CTNNA2: variants seen among roughly 807,000 people sequenced by gnomAD.
CTNNA2 encodes catenin alpha 2.
Under a neutral mutation model 101.0 loss-of-function variants are expected in CTNNA2, and 42 were observed. The observed-to-expected ratio is 0.42, with a 90% CI of 0.32 to 0.54. The LOEUF is 0.54. Ranked by LOEUF, CTNNA2 falls within the 20% of genes least tolerant of loss-of-function variation. The probability of loss-of-function intolerance (pLI) is 0.14; values close to 1 mark genes in which losing one functional copy is unlikely to be tolerated. For missense variants in CTNNA2, 871 were observed against 1,223.1 expected, an observed-to-expected ratio of 0.71 and a Z score of 4.29; for synonymous variants, 450 against 456.4, an observed-to-expected ratio of 0.99 and a Z score of 0.18.
At chr2:79,858,252 C>T (rs1466398241) in intron 4 of CTNNA2, 73 bp downstream of exon 4, 2 of 1,237,300 alleles carry the variant, frequency 1.6e-6, no homozygotes, top group Non-Finnish European at 1.2e-6. Flanking sequence ...ACAGCTCTGG[C>T]CTCTACTCTA....
chr2:80,206,130 A>G (rs1268389797), intron 7 of CTNNA2, among the ~76,000 whole-genome samples: 3 of 152,172 alleles, frequency 2.0e-5, no homozygotes, highest in African/African-American at 7.2e-5. Flanking sequence ...ATTCTCCTTA[A>G]TCATATGGAA....
intron 4 of CTNNA2, among the ~76,000 whole-genome samples, chr2:79,439,358 A>C (rs1158410453): frequency 6.6e-6 from 1 of 152,230 alleles, no homozygotes; most frequent in African/African-American, 2.4e-5. Context: ...TGAAATGTCC[A>C]AAACAGGCAA....
chr2:80,648,210 A>G lies in CTNNA2; in HGVS notation c.*338A>G, dbSNP rs911673279. On this transcript the variant is annotated 3_prime_UTR_variant, in exon 19 of 19. Transcript: ENST00000402739. ...ACTCTACAAAAGCAAACTCTAATGC[A>G]TGCAAGAATCATTAGGTTGGCAGGT... 1 of 175,400 alleles carries G rather than the reference A, an allele frequency of 5.7e-6. No individual in the cohort carries two copies. The highest frequency in any genetic ancestry group is 1.2e-5 in the Non-Finnish European group (1 of 82,462). 10.9% of individuals were successfully genotyped at this position (175,400 alleles called of 1,614,324 possible). A position where few individuals can be genotyped will look rare whatever the true frequency, so the allele number is the denominator to read the frequency against.
rs115257509 is a variant in CTNNA2, at chr2:79,611,916, A to G, written c.-5-39636A>G. 2.5e-3 allele frequency among the ~76,000 whole-genome samples: 388 copies of G among 152,282 alleles called. 1 individual carries two copies. Among genetic ancestry groups the G allele is most frequent in the African/African-American group, 8.4e-3 (351 of 41,560 alleles). On this transcript the variant is annotated intron_variant, in intron 1 of 18. Coordinates refer to ENST00000402739, the MANE Select transcript of CTNNA2 (RefSeq NM_001282597.3). ...TCAACCACCAGTACGTTGACACAGA[A>G]GGGCTGTTTTAAATGTCACTTCTCT...
chr2:79,962,873 C>A (rs890492451), intron 7 of CTNNA2, among the ~76,000 whole-genome samples: 1 of 151,994 alleles, frequency 6.6e-6, no homozygotes, highest in Non-Finnish European at 1.5e-5. Flanking sequence ...AGATCGAGAC[C>A]ATCCTGGGTA....
chr2:80,306,837 G>T (rs2149218894), intron 7 of CTNNA2, among the ~76,000 whole-genome samples: 1 of 152,040 alleles, frequency 6.6e-6, no homozygotes, highest in Admixed American at 6.5e-5. Flanking sequence ...TTGGCAAAGT[G>T]GTGACAGAGG....
At chr2:80,558,708 A>G (rs1286722070) in intron 12 of CTNNA2, among the ~76,000 whole-genome samples, 1 of 152,082 alleles carries the variant, frequency 6.6e-6, no homozygotes, top group East Asian at 1.9e-4. Flanking sequence ...ATGAGAGTAC[A>G]TTGTAGGGTG....
At chr2:79,433,614 T>C (rs1678679381) in intron 4 of CTNNA2, among the ~76,000 whole-genome samples, 1 of 132,044 alleles carries the variant, frequency 7.6e-6, no homozygotes, top group Non-Finnish European at 1.6e-5. Context: ...GCTCACTGTA[T>C]GCCTTTGAGG....
At chr2:79,928,748 C>T (rs886603248) in intron 7 of CTNNA2, among the ~76,000 whole-genome samples, 2 of 152,086 alleles carry the variant, frequency 1.3e-5, no homozygotes, top group East Asian at 1.9e-4. Context: ...ATAGGGTCAA[C>T]GCCTCTTAGT....
In CTNNA2 at chr2:80,306,400, T is replaced by TTTTCTTTTCCTTTCTTTCTTTC. The variant is rs1491389570; in HGVS notation, c.1057-86804_1057-86803insTCCTTTCTTTCTTTCTTTCTTT. ...CTTTCTTTTCTTTTCTTTTCTTTTC[T>TTTTCTTTTCCTTTCTTTCTTTC]TTTCTTTCTTTCTTTCTTTCTTTCT... On this transcript the variant is annotated intron_variant, in intron 7 of 18. Transcript: ENST00000402739. Among the ~76,000 whole-genome samples, 10 of 109,200 alleles carry TTTTCTTTTCCTTTCTTTCTTTC rather than the reference T, an allele frequency of 9.2e-5. No homozygotes were observed. In the East Asian group the frequency reaches 1.4e-3, roughly 15 times the overall value. The allele number at this position is 109,200 out of a possible 152,430, so 71.6% of individuals were successfully genotyped here. A position where few individuals can be genotyped will look rare whatever the true frequency, so the allele number is the denominator to read the frequency against.
At chr2:80,198,143 C>T (rs935220848) in intron 7 of CTNNA2, among the ~76,000 whole-genome samples, 2 of 152,276 alleles carry the variant, frequency 1.3e-5, no homozygotes, top group East Asian at 3.9e-4. Flanking sequence ...ACAATAAACT[C>T]CAATGGAGGA....
At chr2:79,912,928 T>A (rs974453884) in intron 7 of CTNNA2, among the ~76,000 whole-genome samples, 1 of 152,224 alleles carries the variant, frequency 6.6e-6, no homozygotes, top group Non-Finnish European at 1.5e-5. Context: ...ATGGGTTTTA[T>A]TAATAAGAAT....
rs557648049 is a variant in CTNNA2 at position 79,627,520 on chromosome 2, A to G, written c.-5-24032A>G. Among the ~76,000 whole-genome samples, 3 of 152,290 alleles carry G rather than the reference A, an allele frequency of 2.0e-5. No individual in the cohort carries two copies. In the South Asian group the frequency reaches 6.2e-4, roughly 32 times the overall value. On this transcript the variant is annotated intron_variant, in intron 1 of 18. Coordinates refer to ENST00000402739, the MANE Select transcript of CTNNA2 (RefSeq NM_001282597.3). ...AGAACGCATAAAGTGCAACTTCACT[A>G]TTTCAGGCCCCATTATACCATAACT... is the stretch of plus-strand genomic sequence containing the variant.
At chr2:80,088,132 A>G (rs1699562301) in intron 7 of CTNNA2, among the ~76,000 whole-genome samples, 1 of 152,060 alleles carries the variant, frequency 6.6e-6, no homozygotes, top group Non-Finnish European at 1.5e-5. Flanking sequence ...AAAACTCACT[A>G]TTTAAGATGT....
chr2:79,646,865 A>G (rs1452725793), intron 1 of CTNNA2, among the ~76,000 whole-genome samples: 3 of 152,142 alleles, frequency 2.0e-5, no homozygotes, highest in Non-Finnish European at 4.4e-5. Context: ...CAGAAATTCA[A>G]ATTCTAGGAG....
chr2:79,903,280 C>G (rs1401645453), intron 6 of CTNNA2, among the ~76,000 whole-genome samples: 2 of 152,066 alleles, frequency 1.3e-5, no homozygotes, highest in Non-Finnish European at 2.9e-5. Flanking sequence ...TAGACACAAT[C>G]CTGATTTGTA....
At chr2:80,079,890 T>C (rs1699030104) in intron 7 of CTNNA2, among the ~76,000 whole-genome samples, 1 of 146,508 alleles carries the variant, frequency 6.8e-6, no homozygotes, top group African/African-American at 2.5e-5. Context: ...AATAATAAAA[T>C]AAAATAAATA....
At chr2:80,619,022 C>CTTTTTT (rs56987036) in intron 17 of CTNNA2, 63 bp from the exon 18 acceptor site, 2 of 889,226 alleles carry the variant, frequency 2.2e-6, no homozygotes, top group African/African-American at 1.8e-5. Flanking sequence ...AAGTAGGGTA[C>CTTTTTT]TTTTTTTTTT....
chr2:80,581,582 G>A, intron 13 of CTNNA2, 124 bp from the exon 14 acceptor site: 1 of 632,098 alleles, frequency 1.6e-6, no homozygotes, highest in Non-Finnish European at 2.9e-6. Flanking sequence ...ATAGCTGTGT[G>A]GGTGCTATGT....
Sources: gnomAD v4.1 joint callset for allele counts (sites outside exome capture counted in the v4.1 genomes callset) on GRCh38, gnomAD v4.1.1 for gene constraint, MANE v1.5 for transcripts, NCBI Gene and HGNC (gene_info 2026-07-23, HGNC 2026-07-21) for gene names.